PARP14: variants seen among roughly 807,000 people sequenced by gnomAD.
The protein encoded by PARP14 is poly(ADP-ribose) polymerase family member 14.
Under a neutral mutation model 154.2 loss-of-function variants are expected in PARP14, and 59 were observed. The observed-to-expected ratio is 0.38, with a 90% CI of 0.31 to 0.48. The LOEUF (loss-of-function observed/expected upper bound fraction) is 0.48, where lower values mean the gene tolerates loss of function less well. PARP14 is among the 20% of genes least tolerant of loss of function. The pLI, the probability that PARP14 is intolerant of heterozygous loss-of-function variation, is 0.98. For synonymous variants in PARP14, 720 were observed against 780.5 expected, an observed-to-expected ratio of 0.92 and a Z score of 1.29; for missense variants, 1,734 against 2,131.6, an observed-to-expected ratio of 0.81 and a Z score of 3.67.
Position 122,729,296 on chromosome 3 carries a change from T to C in PARP14, c.*699T>C, listed in dbSNP as rs989828575. 2 of 152,754 alleles carry C rather than the reference T, an allele frequency of 1.3e-5. No homozygotes were observed. Among genetic ancestry groups the C allele is most frequent in the Admixed American group, 6.5e-5 (1 of 15,318 alleles). 9.5% of individuals were successfully genotyped at this position (152,754 alleles called of 1,614,324 possible). The stretch of plus-strand genomic sequence containing the variant: ...TCTGGCCAGGGCTCTGGGACTGCAG[T>C]GTACTTGCGCTCTGCACGGTCCAGG... On this transcript the variant is annotated 3_prime_UTR_variant, in exon 17 of 17. Coordinates refer to ENST00000474629, the MANE Select transcript of PARP14 (RefSeq NM_017554.3).
intron 12 of PARP14, among the ~76,000 whole-genome samples, chr3:122,715,222 G>A (rs1203273448): frequency 6.6e-6 from 1 of 152,124 alleles, no homozygotes; most frequent in Non-Finnish European, 1.5e-5. Flanking sequence ...GGTCAGGGGA[G>A]GCATGCATTC....
chr3:122,718,854 A>T lies in PARP14; in HGVS notation c.4703A>T (p.Asp1568Val), dbSNP rs762330792. 3 of 1,613,970 alleles carry T rather than the reference A, an allele frequency of 1.9e-6. No homozygotes were observed. The South Asian group carries it at 3.3e-5, about 18-fold the overall frequency. ...DARREKKKTV[D>V]VKINHRHYTV... ...AGGAGAGAAAAGAAAAAAACAGTTG[A>T]TGTCAAAATTAATCATCGGCACTAC... The change falls in exon 14 of 17, where the codon GAT becomes GTT. Residue 1568 changes from aspartate (D) to valine (V), a missense_variant. By Grantham distance (152) the Asp-to-Val change is radical. Coordinates refer to ENST00000474629, the MANE Select transcript of PARP14 (RefSeq NM_017554.3).
chr3:122,699,083 A>G (rs910765010), intron 5 of PARP14, among the ~76,000 whole-genome samples: 5 of 152,238 alleles, frequency 3.3e-5, no homozygotes, highest in African/African-American at 7.2e-5. Flanking sequence ...ATTCCATTCA[A>G]TAAGGGATAC....
chr3:122,703,425 G>A (rs1939049997), intron 6 of PARP14, among the ~76,000 whole-genome samples: 1 of 152,098 alleles, frequency 6.6e-6, no homozygotes, highest in Non-Finnish European at 1.5e-5. Flanking sequence ...GTCTTGCTCT[G>A]CCTGCTGAAA....
chr3:122,697,154 A>G (rs1938805183), intron 5 of PARP14, among the ~76,000 whole-genome samples: 1 of 152,084 alleles, frequency 6.6e-6, no homozygotes, highest in African/African-American at 2.4e-5. Context: ...GAGTTTCGCC[A>G]TGTTTCCCAG....
intron 15 of PARP14, among the ~76,000 whole-genome samples, chr3:122,726,024 A>G (rs1933279136): frequency 6.6e-6 from 1 of 152,222 alleles, no homozygotes; most frequent in African/African-American, 2.4e-5. Context: ...CATTCCCCAG[A>G]CAATGCAAAG....
chr3:122,699,831 T>C lies in PARP14; in HGVS notation c.1277T>C (p.Phe426Ser). The C allele has an allele frequency of 6.2e-7, 1 of 1,614,002 alleles. No individual in the cohort carries two copies. Among genetic ancestry groups the C allele is most frequent in the Non-Finnish European group, 8.5e-7 (1 of 1,179,856 alleles). ...AAAGATGACAGGATTTTGATTGAGT[T>C]TGATACACTTAAGGAGATGGTAATC... ...DVKDDRILIE[F>S]DTLKEMVILA... Residue 426 changes from phenylalanine (F) to serine (S), a missense_variant, in exon 6 of 17, where the codon TTT becomes TCT. Phe to Ser is a radical substitution (Grantham distance 155, BLOSUM62 -2). This residue lies in a region of PARP14 where 1,646 missense variants were observed against 1,976.0 expected (regional missense o/e 0.83). Transcript: ENST00000474629.
At position 122,681,094 on chromosome 3, in the gene PARP14, G is replaced by A. The variant is rs762047038; in HGVS notation, c.187+24G>A. The A allele has an allele frequency of 2.2e-5, 35 of 1,579,084 alleles. No individual in the cohort carries two copies. The African/African-American group carries it at 3.1e-4, about 14-fold the overall frequency. On this transcript the variant is annotated intron_variant, in intron 1 of 16. Coordinates refer to ENST00000474629, the MANE Select transcript of PARP14 (RefSeq NM_017554.3). The surrounding 1 kb of genome is among the most constrained non-coding windows in gnomAD (Gnocchi z 5.5). ...CGGTGAGGGGCGCGAGGGGTGGGGT[G>A]AGGAGGGGGCACCTCTGCCCTCCCT...
At chr3:122,683,175 A>G (rs1457241660) in intron 1 of PARP14, 1 of 288,558 alleles carries the variant, frequency 3.5e-6, no homozygotes, top group Non-Finnish European at 5.2e-6. Context: ...CTACTTGAGG[A>G]ACCACTTTCT....
intron 9 of PARP14, among the ~76,000 whole-genome samples, chr3:122,712,743 G>C (rs1008842450): frequency 1.3e-4 from 19 of 147,440 alleles, no homozygotes; most frequent in Non-Finnish European, 2.4e-4. Flanking sequence ...TGTAGAGATG[G>C]GGTTTCACCA....
At chr3:122,713,317 AAGAG>A in intron 9 of PARP14, 103 bp from the exon 10 acceptor site, 2 of 823,968 alleles carry the variant, frequency 2.4e-6, no homozygotes, top group Non-Finnish European at 3.8e-6. Flanking sequence ...AGGTCACAGA[AAGAG>A]AGGGAGAGGG....
chr3:122,699,298 T>A (rs1938873805), intron 5 of PARP14, 92 bp from the exon 6 acceptor site: 1 of 660,746 alleles, frequency 1.5e-6, no homozygotes, highest in East Asian at 2.8e-5. Context: ...AAACATTAGA[T>A]TTTTTTTTCT....
intron 15 of PARP14, among the ~76,000 whole-genome samples, chr3:122,725,421 G>A (rs11720401): frequency 0.087 from 13,304 of 152,198 alleles, 678 homozygotes; most frequent in East Asian, 0.13. Flanking sequence ...CAGGGCGGCC[G>A]GGCAGAGGCG....
At chr3:122,703,019 A>C (rs1315840906) in intron 6 of PARP14, among the ~76,000 whole-genome samples, 2 of 98,840 alleles carry the variant, frequency 2.0e-5, no homozygotes, top group Non-Finnish European at 4.8e-5. Context: ...AACAAAAAAA[A>C]AAAACAAAAA....
intron 15 of PARP14, among the ~76,000 whole-genome samples, chr3:122,726,573 G>A (rs181268623): frequency 1.3e-3 from 204 of 152,218 alleles, no homozygotes; most frequent in African/African-American, 4.5e-3. Context: ...GACATCTGCT[G>A]CTAATAATAA....
At chr3:122,682,036 C>T (rs978093709) in intron 1 of PARP14, among the ~76,000 whole-genome samples, 2 of 152,088 alleles carry the variant, frequency 1.3e-5, no homozygotes, top group Non-Finnish European at 2.9e-5. Context: ...TTAGAGTGCC[C>T]AAGCAGGGAT....
At chr3:122,715,577 C>G (rs978313776) in intron 12 of PARP14, among the ~76,000 whole-genome samples, 2 of 151,700 alleles carry the variant, frequency 1.3e-5, no homozygotes, top group Admixed American at 6.6e-5. Context: ...AACATTTCTC[C>G]TATCTCTCTC....
At chr3:122,702,867 G>C (rs1939019608) in intron 6 of PARP14, among the ~76,000 whole-genome samples, 1 of 151,770 alleles carries the variant, frequency 6.6e-6, no homozygotes. Context: ...GCTCATACCT[G>C]TAGTCCTTAC....
rs1560064043 is a variant in PARP14 at position 122,701,611 on chromosome 3, G to A, written c.3057G>A (p.Val1019=). ...VSPGGLQMLL[V]KEGVQNAKTD... ...CGGGAGGCCTGCAGATGCTGTTGGT[G>A]AAAGAGGGTGTGCAGAATGCTAAGG... Residue 1019 remains valine, a synonymous_variant, in exon 6 of 17, where the codon GTG becomes GTA. Coordinates refer to ENST00000474629, the MANE Select transcript of PARP14 (RefSeq NM_017554.3). This position sits in a 1 kb window ranked among gnomAD's most constrained non-coding sequence, Gnocchi z 4.0. The A allele has an allele frequency of 6.3e-7, 1 of 1,599,836 alleles. No individual in the cohort carries two copies. Among genetic ancestry groups the A allele is most frequent in the East Asian group, 2.2e-5 (1 of 44,456 alleles).
Sources: allele counts gnomAD v4.1 joint callset (sites outside exome capture counted in the v4.1 genomes callset), GRCh38; gene constraint gnomAD v4.1.1; regional missense constraint gnomAD v4.1.1; non-coding constraint Gnocchi (gnomAD v3.1); transcripts MANE v1.5; gene names NCBI Gene and HGNC (gene_info 2026-07-23, HGNC 2026-07-21).